Variants in NEDD4L observed in about 807,000 individuals in gnomAD.
The protein encoded by NEDD4L is E3 ubiquitin-protein ligase NEDD4-like.
NEDD4L carries 54 observed loss-of-function variants against 148.9 expected under a neutral mutation model. The observed-to-expected ratio is 0.36, with a 90% confidence interval of 0.29 to 0.45. The LOEUF (loss-of-function observed/expected upper bound fraction) is 0.45, where lower values mean the gene tolerates loss of function less well. Ranked by LOEUF, NEDD4L falls within the 20% of genes least tolerant of loss-of-function variation. NEDD4L has a pLI of 1.00. For missense variants in NEDD4L, 856 were observed against 1,233.8 expected, an observed-to-expected ratio of 0.69 and a Z score of 4.59; for synonymous variants, 433 against 440.7, an observed-to-expected ratio of 0.98 and a Z score of 0.22.
At chr18:58,214,815 T>TTTTG (rs1291603873) in intron 2 of NEDD4L, among the ~76,000 whole-genome samples, 13,750 of 126,388 alleles carry the variant, frequency 0.11, 637 homozygotes, top group East Asian at 0.25. Context: ...TTTTTTTTTT[T>TTTTG]TTGTTGTTGT....
intron 1 of NEDD4L, among the ~76,000 whole-genome samples, chr18:58,075,088 G>A (rs1216243301): frequency 6.6e-6 from 1 of 152,190 alleles, no homozygotes; most frequent in African/African-American, 2.4e-5. Context: ...TTGGGAGGGA[G>A]CATGCTTTGA....
chr18:58,325,059 C>G lies in NEDD4L; in HGVS notation c.577C>G (p.Pro193Ala). 1.9e-6 allele frequency: 3 copies of G among 1,614,018 alleles called. No individual in the cohort carries two copies. The highest frequency in any genetic ancestry group is 2.5e-6 in the Non-Finnish European group (3 of 1,179,880). Residue 193 changes from proline to alanine, a missense_variant, in exon 9 of 31, where the codon CCT (proline) becomes GCT (alanine). This residue lies in a region of NEDD4L where 193 missense variants were observed against 244.2 expected (regional missense o/e 0.79). Coordinates refer to ENST00000400345, the MANE Select transcript of NEDD4L (RefSeq NM_001144967.3). ...TCAGCACCAAGAGGAACTTCCTCCT[C>G]CTCCTCTGCCTCCCGGGTGGGAAGA... Reference protein sequence around the residue: ...ASQHQEELPPPPLPPGWEEKV... With the variant: ...ASQHQEELPPAPLPPGWEEKV...
In NEDD4L at chr18:58,057,972, C is replaced by G. The variant is rs1201040990; in HGVS notation, c.48+13264C>G. ...ATTGTGGGACTCTGAGTACCCACTTCCCTTCACTCAGCCATTCCAATTTCT... is the reference window on the plus strand; with the variant it reads ...ATTGTGGGACTCTGAGTACCCACTTGCCTTCACTCAGCCATTCCAATTTCT... On this transcript the variant is annotated intron_variant, in intron 1 of 30. Transcript: ENST00000400345. Among the ~76,000 whole-genome samples the G allele has an allele frequency of 2.6e-5, 4 of 152,310 alleles. No individual in the cohort carries two copies. In the East Asian group the frequency reaches 7.7e-4, roughly 29 times the overall value.
intron 1 of NEDD4L, among the ~76,000 whole-genome samples, chr18:58,082,075 G>A (rs115610307): frequency 0.064 from 7,304 of 114,222 alleles, 801 homozygotes; most frequent in African/African-American, 0.24. Flanking sequence ...ATTGCTTTCT[G>A]ATGAATATAT....
intron 12 of NEDD4L, 26 bp downstream of exon 12, chr18:58,333,918 C>T: frequency 6.4e-7 from 1 of 1,564,392 alleles, no homozygotes; most frequent in Non-Finnish European, 8.7e-7. Flanking sequence ...TTCCAGTCAT[C>T]AGTTGACTTT....
chr18:58,153,043 AG>A (rs1453236166), intron 1 of NEDD4L, among the ~76,000 whole-genome samples: 1 of 152,176 alleles, frequency 6.6e-6, no homozygotes. Flanking sequence ...GAGTGGTTCT[AG>A]GTTGTGGGAA....
chr18:58,258,436 AAG>A (rs2048890285), intron 5 of NEDD4L, among the ~76,000 whole-genome samples: 1 of 152,236 alleles, frequency 6.6e-6, no homozygotes, highest in African/African-American at 2.4e-5. Flanking sequence ...TCTGATGTGG[AAG>A]ACAAAGGGAT....
chr18:58,100,123 A>C (rs766483717), intron 1 of NEDD4L, among the ~76,000 whole-genome samples: 3 of 152,108 alleles, frequency 2.0e-5, no homozygotes, highest in Admixed American at 1.3e-4. Flanking sequence ...TCGGTAAAGG[A>C]AGCACAGGAC....
chr18:58,344,056 T>C (rs2042758469), intron 16 of NEDD4L, among the ~76,000 whole-genome samples: 1 of 152,242 alleles, frequency 6.6e-6, no homozygotes, highest in Non-Finnish European at 1.5e-5. Context: ...AAACTGATGT[T>C]ATGGGAATGC....
At chr18:58,373,024 T>C (rs1200916347) in intron 23 of NEDD4L, 150 bp from the exon 24 acceptor site, 1 of 554,006 alleles carries the variant, frequency 1.8e-6, no homozygotes, top group Admixed American at 2.9e-5. Flanking sequence ...AAGAGGAAGG[T>C]TTGGTTTAGG....
intron 5 of NEDD4L, among the ~76,000 whole-genome samples, chr18:58,252,697 T>A (rs1041486213): frequency 1.3e-5 from 2 of 152,190 alleles, no homozygotes; most frequent in African/African-American, 4.8e-5. Flanking sequence ...CATACATAAC[T>A]GAAATAATTA....
intron 1 of NEDD4L, among the ~76,000 whole-genome samples, chr18:58,111,024 T>C (rs1416658194): frequency 6.6e-6 from 1 of 152,238 alleles, no homozygotes; most frequent in Non-Finnish European, 1.5e-5. Flanking sequence ...TCAATTACTT[T>C]TATTATATTC....
intron 1 of NEDD4L, among the ~76,000 whole-genome samples, chr18:58,159,852 T>C (rs2035976422): frequency 6.6e-6 from 1 of 152,136 alleles, no homozygotes; most frequent in South Asian, 2.1e-4. Context: ...GGAAGGTAAA[T>C]ACATGAATTA....
chr18:58,349,951 G>A (rs2043660472), intron 17 of NEDD4L, among the ~76,000 whole-genome samples: 1 of 152,198 alleles, frequency 6.6e-6, no homozygotes, highest in African/African-American at 2.4e-5. Flanking sequence ...CAGTCATATT[G>A]CTGATTAAGT....
intron 2 of NEDD4L, among the ~76,000 whole-genome samples, chr18:58,237,681 A>G (rs779401801): frequency 6.6e-5 from 10 of 152,198 alleles, no homozygotes; most frequent in African/African-American, 1.9e-4. Flanking sequence ...TTATTAGCAC[A>G]TATTTTATTA....
At chr18:58,337,085 A>G (rs1312025330) in intron 13 of NEDD4L, among the ~76,000 whole-genome samples, 1 of 152,032 alleles carries the variant, frequency 6.6e-6, no homozygotes, top group African/African-American at 2.4e-5. Flanking sequence ...CTCCATGGCA[A>G]GGGTCACCTG....
At chr18:58,212,561 G>A (rs1474686969) in intron 2 of NEDD4L, among the ~76,000 whole-genome samples, 4 of 152,154 alleles carry the variant, frequency 2.6e-5, no homozygotes, top group Admixed American at 6.5e-5. Context: ...GGTCCCTCCC[G>A]TGACACGTGG....
At chr18:58,364,142 T>C (rs2045842268) in intron 19 of NEDD4L, 126 bp from the exon 20 acceptor site, 1 of 673,424 alleles carries the variant, frequency 1.5e-6, no homozygotes, top group Non-Finnish European at 2.6e-6. Flanking sequence ...AATTTTTCCA[T>C]GGATAATCTG....
intron 13 of NEDD4L, 69 bp downstream of exon 13, chr18:58,335,606 G>A: frequency 1.8e-6 from 2 of 1,114,596 alleles, no homozygotes; most frequent in South Asian, 1.2e-5. Context: ...TCGTGTAGTG[G>A]TGAATATACG....
Sources: gnomAD v4.1 joint callset for allele counts (sites outside exome capture counted in the v4.1 genomes callset) on GRCh38, gnomAD v4.1.1 for gene constraint, gnomAD v4.1.1 regional missense constraint, MANE v1.5 for transcripts, NCBI Gene and HGNC (gene_info 2026-07-23, HGNC 2026-07-21) for gene names.